Variants in CBLN2 observed in about 807,000 individuals in gnomAD.
CBLN2 encodes cerebellin-2.
Under a neutral mutation model 15.0 loss-of-function variants are expected in CBLN2, and 7 were observed. The observed-to-expected ratio is 0.47, with a 90% CI of 0.27 to 0.88. The LOEUF (loss-of-function observed/expected upper bound fraction) is 0.88, where lower values mean the gene tolerates loss of function less well. CBLN2 is among the 40% of genes least tolerant of loss of function. CBLN2 has a pLI of 0.14. For missense variants in CBLN2, 242 were observed against 304.5 expected (o/e 0.79, Z 1.53); for synonymous variants, 149 against 135.2 (o/e 1.10, Z -0.71).
At chr18:72,611,872 G>A (rs2069624793) in intron 1 of CBLN2, among the ~76,000 whole-genome samples, 1 of 152,046 alleles carries the variant, frequency 6.6e-6, no homozygotes, top group Non-Finnish European at 1.5e-5. Context: ...TATAATTTGA[G>A]GTCTCACATT....
chr18:72,581,588 T>C (rs1439261236), intron 1 of CBLN2, among the ~76,000 whole-genome samples: 3 of 152,230 alleles, frequency 2.0e-5, no homozygotes, highest in Admixed American at 6.5e-5. Flanking sequence ...TATGTTCTCA[T>C]GAGTTTTCTC....
intron 1 of CBLN2, among the ~76,000 whole-genome samples, chr18:72,617,837 G>C (rs2069672576): frequency 6.6e-6 from 1 of 152,064 alleles, no homozygotes; most frequent in Non-Finnish European, 1.5e-5. Flanking sequence ...TGGAAAGGAG[G>C]CACAACCTGG....
chr18:72,599,483 T>G (rs1402906651), intron 1 of CBLN2, among the ~76,000 whole-genome samples: 1 of 152,234 alleles, frequency 6.6e-6, no homozygotes, highest in East Asian at 1.9e-4. Flanking sequence ...GACAGTGTCT[T>G]ATTTTAATTT....
chr18:72,556,944 C>G (rs188739521), intron 1 of CBLN2, among the ~76,000 whole-genome samples: 2 of 152,204 alleles, frequency 1.3e-5, no homozygotes, highest in East Asian at 3.9e-4. Context: ...GGCTTTTAAA[C>G]CACCTCATAA....
At chr18:72,575,421 G>A (rs1431188662) in intron 1 of CBLN2, among the ~76,000 whole-genome samples, 1 of 152,140 alleles carries the variant, frequency 6.6e-6, no homozygotes, top group Non-Finnish European at 1.5e-5. Flanking sequence ...AGAACCGCTA[G>A]GGGATATGCA....
At chr18:72,581,830 T>A (rs1315587156) in intron 1 of CBLN2, among the ~76,000 whole-genome samples, 3 of 152,224 alleles carry the variant, frequency 2.0e-5, no homozygotes, top group African/African-American at 7.2e-5. Context: ...TAAATTAAAT[T>A]CATTTATTTG....
intron 1 of CBLN2, among the ~76,000 whole-genome samples, chr18:72,601,699 G>A (rs1307686825): frequency 1.3e-5 from 2 of 152,032 alleles, no homozygotes; most frequent in African/African-American, 4.8e-5. Flanking sequence ...CTTATCAGCA[G>A]CCCAAGACAG....
At chr18:72,550,004 A>G (rs1425055901) in intron 1 of CBLN2, among the ~76,000 whole-genome samples, 1 of 152,208 alleles carries the variant, frequency 6.6e-6, no homozygotes. Context: ...GGATCTGCTA[A>G]AAACTGGTAG....
chr18:72,585,161 G>T lies in CBLN2; in HGVS notation c.16-46389C>A, dbSNP rs374831257. On this transcript the variant is annotated intron_variant, in intron 1 of 2. Transcript: ENST00000581073. ...CCTGGCTCACAGAGCTCCTAGATTT[G>T]GGCTCCCCAAAGGGCTGCAGCTCTC... Among the ~76,000 whole-genome samples, 60 of 152,286 alleles carry T rather than the reference G, an allele frequency of 3.9e-4. No individual in the cohort carries two copies. The South Asian group carries it at 0.011, about 29-fold the overall frequency.
At chr18:72,637,486 G>A (rs1423213968) in intron 1 of CBLN2, among the ~76,000 whole-genome samples, 1 of 152,192 alleles carries the variant, frequency 6.6e-6, no homozygotes, top group African/African-American at 2.4e-5. Context: ...TCTGGGCACA[G>A]AGGCTGGCGT....
intron 1 of CBLN2, among the ~76,000 whole-genome samples, chr18:72,635,392 G>C (rs867112973): frequency 1.3e-5 from 2 of 152,136 alleles, no homozygotes; most frequent in African/African-American, 2.4e-5. Context: ...ATGGAGGCTA[G>C]AGTTAACAAG....
At chr18:72,589,279 C>T (rs1241106201) in intron 1 of CBLN2, among the ~76,000 whole-genome samples, 1 of 152,078 alleles carries the variant, frequency 6.6e-6, no homozygotes, top group African/African-American at 2.4e-5. Context: ...GAAGTAGTAC[C>T]CAGGTTCCTA....
chr18:72,616,065 T>A (rs956848240), intron 1 of CBLN2, among the ~76,000 whole-genome samples: 1 of 152,320 alleles, frequency 6.6e-6, no homozygotes, highest in African/African-American at 2.4e-5. Flanking sequence ...CACTACTGTG[T>A]TCCTGATAAT....
chr18:72,556,422 C>T (rs1351924093), intron 1 of CBLN2, among the ~76,000 whole-genome samples: 1 of 152,052 alleles, frequency 6.6e-6, no homozygotes, highest in Non-Finnish European at 1.5e-5. Context: ...TTAGCAATAG[C>T]TGTTTACTAT....
chr18:72,606,837 G>A (rs797022560), intron 1 of CBLN2, among the ~76,000 whole-genome samples: 1 of 152,346 alleles, frequency 6.6e-6, no homozygotes, highest in African/African-American at 2.4e-5. Flanking sequence ...ATCACACAGA[G>A]GGTCAAGAGT....
At chr18:72,623,022 G>A (rs2069711649) in intron 1 of CBLN2, among the ~76,000 whole-genome samples, 1 of 152,136 alleles carries the variant, frequency 6.6e-6, no homozygotes, top group South Asian at 2.1e-4. Context: ...TACAGGCATG[G>A]CTGGGGAAGC....
chr18:72,615,837 A>C (rs370408086), intron 1 of CBLN2, among the ~76,000 whole-genome samples: 1 of 152,198 alleles, frequency 6.6e-6, no homozygotes, highest in Non-Finnish European at 1.5e-5. Context: ...GCTCACTTTC[A>C]GGGACTGAAT....
chr18:72,625,128 T>C (rs1252042802), intron 1 of CBLN2: 2 of 152,178 alleles, frequency 1.3e-5, no homozygotes, highest in Non-Finnish European at 2.9e-5. Flanking sequence ...TTGGGAAGCA[T>C]ATTTTCTAAC....
upstream of CBLN2, chr18:72,544,539 C>CG (rs1442684191): frequency 6.6e-6 from 1 of 152,230 alleles, no homozygotes. Flanking sequence ...CGACAGAAGA[C>CG]GGGGGAGTCC....
Sources: gnomAD v4.1 joint callset for allele counts (sites outside exome capture counted in the v4.1 genomes callset) on GRCh38, gnomAD v4.1.1 for gene constraint, MANE v1.5 for transcripts, NCBI Gene and HGNC (gene_info 2026-07-23, HGNC 2026-07-21) for gene names.